Variants in ITGA2 observed in about 807,000 individuals in gnomAD.
The protein encoded by ITGA2 is integrin subunit alpha 2.
In ITGA2, 101 loss-of-function variants were observed where a neutral mutation model predicts 146.3. The observed-to-expected ratio is 0.69, with a 90% CI of 0.59 to 0.81. The LOEUF (loss-of-function observed/expected upper bound fraction) is 0.81. Among genes scored for constraint, ITGA2 ranks in the 40% least tolerant of loss-of-function variants. The pLI is 0.00. For synonymous variants in ITGA2, 477 were observed against 487.1 expected (o/e 0.98, Z 0.27); for missense variants, 1,281 against 1,402.7 (o/e 0.91, Z 1.39).
At position 53,042,371 on chromosome 5, in the gene ITGA2, A is replaced by C. The variant is rs1743844891; in HGVS notation, c.295+150A>C. 3 of 651,618 alleles carry C rather than the reference A, an allele frequency of 4.6e-6. No individual in the cohort carries two copies. In the African/African-American group the frequency reaches 5.4e-5, roughly 12 times the overall value. The allele number at this position is 651,618 out of a possible 1,614,324, so 40.4% of individuals were successfully genotyped here. A position where few individuals can be genotyped will look rare whatever the true frequency, so the allele number is the denominator to read the frequency against. ...GTAATATGGGGCACAATCATATCCA[A>C]ATTTCCAAAACAGTTTGGAGACTTG... On this transcript the variant is annotated intron_variant, in intron 3 of 29. Transcript: ENST00000296585.
intron 1 of ITGA2, among the ~76,000 whole-genome samples, chr5:53,016,843 T>G (rs1197982131): frequency 6.6e-6 from 1 of 152,208 alleles, no homozygotes; most frequent in African/African-American, 2.4e-5. Context: ...GTCTTTGAGC[T>G]CTGACATTTT....
intron 14 of ITGA2, among the ~76,000 whole-genome samples, chr5:53,065,416 A>T (rs1262403888): frequency 1.3e-5 from 2 of 151,964 alleles, no homozygotes; most frequent in Non-Finnish European, 2.9e-5. Context: ...AGGAATTTTT[A>T]AAAAAGCAAA....
At chr5:53,061,130 A>G in intron 12 of ITGA2, 84 bp downstream of exon 12, 5 of 1,343,620 alleles carry the variant, frequency 3.7e-6, no homozygotes, top group Non-Finnish European at 5.3e-6. Context: ...ATGGAAAACA[A>G]CATGGCCTGA....
Position 53,070,092 on chromosome 5 carries a change from G to C in ITGA2, c.2084-17G>C. The C allele has an allele frequency of 6.4e-7, 1 of 1,553,578 alleles. No individual in the cohort carries two copies. The highest frequency in any genetic ancestry group is 8.8e-7 in the Non-Finnish European group (1 of 1,131,054). On this transcript the variant is annotated splice_polypyrimidine_tract_variant and intron_variant, in intron 16 of 29. Transcript: ENST00000296585. ...TTGATTTGAAATAACATTTCTTTATGATTTTTTTTATCATAGCCATTGTAT... is the reference window on the plus strand; with the variant it reads ...TTGATTTGAAATAACATTTCTTTATCATTTTTTTTATCATAGCCATTGTAT...
chr5:53,001,837 G>C (rs1441889230), intron 1 of ITGA2, among the ~76,000 whole-genome samples: 1 of 125,920 alleles, frequency 7.9e-6, no homozygotes, highest in Non-Finnish European at 1.8e-5. Flanking sequence ...AAAAAAAAAA[G>C]TGATCCAACT....
chr5:53,067,655 A>C (rs1010267308), intron 16 of ITGA2, among the ~76,000 whole-genome samples: 8 of 151,982 alleles, frequency 5.3e-5, no homozygotes, highest in Non-Finnish European at 1.5e-5. Context: ...AAAAGTATCA[A>C]GTATTTTTCC....
In ITGA2 at chr5:53,093,252, T is replaced by G. The variant is rs886060682; in HGVS notation, c.*2653T>G. Reference sequence around the variant, plus strand: ...TCCTTAAATAAGTGCTAAACATACATATACGGAACTTGAAAGCTTTGGTTA... The same window carrying G: ...TCCTTAAATAAGTGCTAAACATACAGATACGGAACTTGAAAGCTTTGGTTA... On this transcript the variant is annotated 3_prime_UTR_variant, in exon 30 of 30. Transcript: ENST00000296585. 2 of 152,232 alleles carry G rather than the reference T, an allele frequency of 1.3e-5. No homozygotes were observed. The highest frequency in any genetic ancestry group is 2.9e-5 in the Non-Finnish European group (2 of 68,056). 9.4% of individuals were successfully genotyped at this position (152,232 alleles called of 1,614,324 possible).
intron 1 of ITGA2, among the ~76,000 whole-genome samples, chr5:53,017,623 C>T (rs560745871): frequency 1.6e-4 from 24 of 152,240 alleles, no homozygotes; most frequent in African/African-American, 5.5e-4. Flanking sequence ...GGGTGGGGCT[C>T]CAGAAGGAGC....
chr5:53,048,312 G>A, intron 4 of ITGA2, 51 bp from the exon 5 acceptor site: 2 of 1,324,888 alleles, frequency 1.5e-6, no homozygotes, highest in South Asian at 1.2e-5. Flanking sequence ...AGAGGTAGAA[G>A]GTTTGCATTT....
In ITGA2 at chr5:53,065,389, A is replaced by G. The variant is rs2406599; in HGVS notation, c.1806+274A>G. ...AAGAAAGAAGTAGATAAGATAAAGT[A>G]TTCCAGATAGTAATAAAGGAATTTT... On this transcript the variant is annotated intron_variant, in intron 14 of 29. Transcript: ENST00000296585. Among the ~76,000 whole-genome samples the G allele has an allele frequency of 0.88, 134,066 of 151,958 alleles. 59,527 individuals carry two copies. Among genetic ancestry groups the G allele is most frequent in the Admixed American group, 0.93 (14,102 of 15,240 alleles).
intron 16 of ITGA2, among the ~76,000 whole-genome samples, chr5:53,067,637 G>A (rs964280784): frequency 2.0e-5 from 3 of 151,846 alleles, no homozygotes; most frequent in African/African-American, 7.2e-5. Flanking sequence ...ATATAGGACA[G>A]GTTCAGTAAA....
intron 21 of ITGA2, among the ~76,000 whole-genome samples, chr5:53,074,760 G>A (rs1579894620): frequency 6.6e-6 from 1 of 152,056 alleles, no homozygotes; most frequent in African/African-American, 2.4e-5. Flanking sequence ...GAGTCACAGA[G>A]ATCATTTATT....
intron 29 of ITGA2, 134 bp from the exon 30 acceptor site, chr5:53,090,385 C>A: frequency 1.3e-6 from 1 of 758,710 alleles, no homozygotes. Flanking sequence ...ATCAGGTCAT[C>A]AGTCTGCACA....
chr5:53,003,425 G>A (rs1368580649), intron 1 of ITGA2, among the ~76,000 whole-genome samples: 1 of 152,090 alleles, frequency 6.6e-6, no homozygotes, highest in Non-Finnish European at 1.5e-5. Flanking sequence ...TTGGGTCAGG[G>A]CTTTGAGAAT....
At chr5:53,005,051 A>G (rs979335882) in intron 1 of ITGA2, among the ~76,000 whole-genome samples, 10 of 151,542 alleles carry the variant, frequency 6.6e-5, no homozygotes, top group African/African-American at 2.4e-4. Context: ...AATGTGACCT[A>G]TGATCATTTC....
At chr5:53,064,891 C>CT in intron 13 of ITGA2, 21 bp from the exon 14 acceptor site, 1 of 1,609,098 alleles carries the variant, frequency 6.2e-7, no homozygotes, top group Non-Finnish European at 8.5e-7. Context: ...TTTAATCATC[C>CT]TTTTGTTTCC....
At chr5:53,056,229 A>G (rs1465486205) in intron 9 of ITGA2, 80 bp downstream of exon 9, 15 of 1,305,204 alleles carry the variant, frequency 1.1e-5, no homozygotes, top group South Asian at 2.5e-5. Flanking sequence ...TGCTTTACTA[A>G]TGTTAACTTG....
intron 1 of ITGA2, among the ~76,000 whole-genome samples, chr5:53,021,877 T>A (rs1742697688): frequency 6.6e-6 from 1 of 152,206 alleles, no homozygotes; most frequent in Non-Finnish European, 1.5e-5. Flanking sequence ...GCTTTTGGCC[T>A]TTGCTCTCTT....
At chr5:53,070,618 T>C (rs1156439443) in intron 17 of ITGA2, among the ~76,000 whole-genome samples, 1 of 151,946 alleles carries the variant, frequency 6.6e-6, no homozygotes, top group Non-Finnish European at 1.5e-5. Flanking sequence ...TATTTATTGT[T>C]CAGCTACTGA....
Sources: gnomAD v4.1 joint callset for allele counts (sites outside exome capture counted in the v4.1 genomes callset) on GRCh38, gnomAD v4.1.1 for gene constraint, MANE v1.5 for transcripts, NCBI Gene and HGNC (gene_info 2026-07-23, HGNC 2026-07-21) for gene names.